Variants in FARS2 observed in about 807,000 individuals in gnomAD.
FARS2 encodes the protein phenylalanyl-tRNA synthetase 2, mitochondrial.
Under a neutral mutation model 46.4 loss-of-function variants are expected in FARS2, and 40 were observed. The ratio of observed to expected loss-of-function variants is 0.86; its 90% CI spans 0.67 to 1.12. The LOEUF is 1.12. FARS2 is among the 50% of genes most tolerant of loss of function. The probability of loss-of-function intolerance (pLI) is 0.00; values close to 1 mark genes in which losing one functional copy is unlikely to be tolerated. For missense variants in FARS2, 513 were observed against 567.9 expected (o/e 0.90, Z 0.98); for synonymous variants, 234 against 214.9 (o/e 1.09, Z -0.78).
Position 5,720,957 on chromosome 6 carries a change from G to A in FARS2, c.1218-50334G>A, listed in dbSNP as rs543957211. Among the ~76,000 whole-genome samples, 5 of 152,292 alleles carry A rather than the reference G, an allele frequency of 3.3e-5. No homozygotes were observed. The South Asian group carries it at 1.0e-3, about 32-fold the overall frequency. On this transcript the variant is annotated intron_variant, in intron 6 of 6. Coordinates refer to ENST00000274680, the MANE Select transcript of FARS2 (RefSeq NM_006567.5). ...AGTCCCAGCCACTTAGGAGGCTGAG[G>A]TGAAAAAATTGTTTGAGGCCAGGAG... is the stretch of plus-strand genomic sequence containing the variant.
At position 5,656,948 on chromosome 6, in the gene FARS2, T is replaced by G. The variant is rs1308979840; in HGVS notation, c.1217+43628T>G. Among the ~76,000 whole-genome samples the G allele has an allele frequency of 2.6e-5, 4 of 152,356 alleles. No individual in the cohort carries two copies. The East Asian group carries it at 7.7e-4, about 29-fold the overall frequency. ...GCTAACCATACCGTATATGTCTTAG[T>G]GCTCCAGTGAGTATCACTTGAGTGG... is the stretch of plus-strand genomic sequence containing the variant. On this transcript the variant is annotated intron_variant, in intron 6 of 6. Coordinates refer to ENST00000274680, the MANE Select transcript of FARS2 (RefSeq NM_006567.5).
chr6:5,473,543 AAC>A (rs66807429), intron 4 of FARS2, among the ~76,000 whole-genome samples: 1 of 101,674 alleles, frequency 9.8e-6, no homozygotes, highest in Admixed American at 9.3e-5. Context: ...CAAAAAAAAA[AAC>A]AAAAAAAAAA....
chr6:5,665,837 A>G (rs939417923), intron 6 of FARS2, among the ~76,000 whole-genome samples: 3 of 152,218 alleles, frequency 2.0e-5, no homozygotes, highest in Non-Finnish European at 4.4e-5. Context: ...GCCAGTTACT[A>G]CCAACTACTG....
At chr6:5,391,154 C>G (rs1031783645) in intron 2 of FARS2, among the ~76,000 whole-genome samples, 1 of 152,146 alleles carries the variant, frequency 6.6e-6, no homozygotes, top group Non-Finnish European at 1.5e-5. Context: ...CCTATTGCCC[C>G]TTTTAATACT....
At chr6:5,700,025 C>T (rs1263966409) in intron 6 of FARS2, among the ~76,000 whole-genome samples, 2 of 152,170 alleles carry the variant, frequency 1.3e-5, no homozygotes, top group Non-Finnish European at 2.9e-5. Flanking sequence ...AGTCCCCGAA[C>T]GCTCTATGCT....
chr6:5,267,479 G>C (rs919875274), intron 1 of FARS2, among the ~76,000 whole-genome samples: 26 of 152,140 alleles, frequency 1.7e-4, no homozygotes, highest in African/African-American at 6.3e-4. Context: ...GGCCAGGCGT[G>C]GTGGCTCACA....
At chr6:5,325,630 C>T (rs1447580133) in intron 1 of FARS2, among the ~76,000 whole-genome samples, 3 of 152,330 alleles carry the variant, frequency 2.0e-5, no homozygotes, top group African/African-American at 7.2e-5. Context: ...GAATTACTTG[C>T]ATCCATTATC....
At chr6:5,565,825 T>G (rs948549903) in intron 5 of FARS2, among the ~76,000 whole-genome samples, 25 of 152,198 alleles carry the variant, frequency 1.6e-4, no homozygotes, top group Non-Finnish European at 2.6e-4. Flanking sequence ...TGCCGTAAAT[T>G]ATTTTGCCAA....
intron 4 of FARS2, among the ~76,000 whole-genome samples, chr6:5,505,146 G>A (rs1768029685): frequency 6.6e-6 from 1 of 152,174 alleles, no homozygotes; most frequent in Admixed American, 6.5e-5. Flanking sequence ...TGGTGTGAAT[G>A]ATAAATTATA....
At chr6:5,589,009 T>C (rs4960108) in intron 5 of FARS2, among the ~76,000 whole-genome samples, 122,294 of 152,124 alleles carry the variant, frequency 0.8, 49,203 homozygotes, top group East Asian at 0.86. Flanking sequence ...GTCTTTACTA[T>C]GTTGCTAATT....
chr6:5,402,223 C>CT (rs904650131), intron 2 of FARS2, among the ~76,000 whole-genome samples: 22 of 147,074 alleles, frequency 1.5e-4, no homozygotes, highest in Middle Eastern at 7.0e-3. Flanking sequence ...GATTTTATTT[C>CT]TTTTTTTTTT....
intron 6 of FARS2, among the ~76,000 whole-genome samples, 165 bp from the exon 7 acceptor site, chr6:5,771,126 T>A (rs548908526): frequency 6.6e-6 from 1 of 152,356 alleles, no homozygotes; most frequent in African/African-American, 2.4e-5. Context: ...GACTGTCACC[T>A]TCTCCCCCTG....
intron 5 of FARS2, among the ~76,000 whole-genome samples, chr6:5,612,576 C>A (rs1775249365): frequency 6.6e-6 from 1 of 152,008 alleles, no homozygotes; most frequent in African/African-American, 2.4e-5. Context: ...TGGTGAACTA[C>A]TGAGCTAGTA....
intron 4 of FARS2, among the ~76,000 whole-genome samples, chr6:5,495,249 G>A (rs1189830208): frequency 1.3e-5 from 2 of 152,200 alleles, no homozygotes; most frequent in East Asian, 3.8e-4. Context: ...CCAAGGTAGT[G>A]TGCCAGCTGG....
intron 4 of FARS2, among the ~76,000 whole-genome samples, chr6:5,483,440 G>T (rs999659822): frequency 6.6e-6 from 1 of 152,266 alleles, no homozygotes; most frequent in African/African-American, 2.4e-5. Flanking sequence ...GGCCAAGGCA[G>T]GCGGGTCACC....
chr6:5,696,611 A>AT (rs1279035958), intron 6 of FARS2, among the ~76,000 whole-genome samples: 1 of 152,176 alleles, frequency 6.6e-6, no homozygotes, highest in Non-Finnish European at 1.5e-5. Flanking sequence ...AAATTATTCC[A>AT]TTTTTTGTTT....
At chr6:5,698,457 T>G (rs1387670610) in intron 6 of FARS2, among the ~76,000 whole-genome samples, 1 of 152,172 alleles carries the variant, frequency 6.6e-6, no homozygotes, top group Non-Finnish European at 1.5e-5. Flanking sequence ...GCATTGGGGA[T>G]TATAACTCAG....
chr6:5,614,688 C>G (rs1038130011), intron 6 of FARS2, among the ~76,000 whole-genome samples: 1 of 152,176 alleles, frequency 6.6e-6, no homozygotes, highest in Non-Finnish European at 1.5e-5. Flanking sequence ...CGTGAGCCAT[C>G]GCGCTGGGCT....
chr6:5,601,638 T>A (rs1434454535), intron 5 of FARS2, among the ~76,000 whole-genome samples: 2 of 151,894 alleles, frequency 1.3e-5, no homozygotes, highest in Non-Finnish European at 2.9e-5. Flanking sequence ...CTCTGCCACT[T>A]ACTGGCTGTT....
Sources: allele counts gnomAD v4.1 joint callset (sites outside exome capture counted in the v4.1 genomes callset), GRCh38; gene constraint gnomAD v4.1.1; transcripts MANE v1.5; gene names NCBI Gene and HGNC (gene_info 2026-07-23, HGNC 2026-07-21).